Variants in ABCB11 observed in about 807,000 individuals in gnomAD.
ABCB11 encodes ATP binding cassette subfamily B member 11, also known as bile salt export pump.
In ABCB11, 95 loss-of-function variants were observed where a neutral mutation model predicts 148.0. That is an observed-to-expected ratio of 0.64 (90% CI 0.54 to 0.76). ABCB11 has a LOEUF of 0.76. ABCB11 is among the 30% of genes least tolerant of loss of function. The pLI, the probability that ABCB11 is intolerant of heterozygous loss-of-function variation, is 0.00. For synonymous variants in ABCB11, 591 were observed against 555.4 expected (o/e 1.06, Z -0.90); for missense variants, 1,523 against 1,617.8 (o/e 0.94, Z 1.01).
chr2:168,978,273 C>T (rs1313787483), intron 11 of ABCB11, among the ~76,000 whole-genome samples: 1 of 149,504 alleles, frequency 6.7e-6, no homozygotes, highest in Non-Finnish European at 1.5e-5. Context: ...AGCCTCCTGA[C>T]TAGCTGGGAC....
chr2:168,917,747 A>G (rs78829839), downstream of ABCB11, among the ~76,000 whole-genome samples: 6 of 152,316 alleles, frequency 3.9e-5, no homozygotes, highest in East Asian at 1.2e-3. Context: ...TGTTTTTATA[A>G]GACTAGAATT....
At chr2:168,924,558 G>A (rs991564284) in intron 27 of ABCB11, 99 bp downstream of exon 27, 45 of 1,231,260 alleles carry the variant, frequency 3.7e-5, no homozygotes, top group African/African-American at 1.9e-4. Flanking sequence ...TACTGTTAAC[G>A]AATCAGAAAA....
At chr2:169,029,944 G>A (rs1695815852) in intron 1 of ABCB11, among the ~76,000 whole-genome samples, 1 of 125,602 alleles carries the variant, frequency 8.0e-6, no homozygotes, top group Admixed American at 7.9e-5. Context: ...GTTTCACCGT[G>A]TTAGCCAGGA....
intron 19 of ABCB11, among the ~76,000 whole-genome samples, chr2:168,953,103 T>C (rs777256979): frequency 3.4e-4 from 51 of 151,698 alleles, no homozygotes; most frequent in Non-Finnish European, 6.9e-4. Context: ...AAAAAATTCA[T>C]TAAGACTTGT....
intron 17 of ABCB11, among the ~76,000 whole-genome samples, chr2:168,965,615 T>C (rs1016949540): frequency 1.3e-5 from 2 of 151,788 alleles, no homozygotes; most frequent in Non-Finnish European, 2.9e-5. Flanking sequence ...TTGTAAACAG[T>C]CTTAATGGTT....
At chr2:169,009,522 G>C (rs1031724254) in intron 5 of ABCB11, among the ~76,000 whole-genome samples, 5 of 136,390 alleles carry the variant, frequency 3.7e-5, no homozygotes, top group Admixed American at 8.5e-5. Flanking sequence ...GGTGGGAATT[G>C]AACAATGAGA....
chr2:168,995,591 T>A, intron 6 of ABCB11, 109 bp from the exon 7 acceptor site: 1 of 1,216,476 alleles, frequency 8.2e-7, no homozygotes, highest in Non-Finnish European at 1.1e-6. Flanking sequence ...AGGGGGAAAG[T>A]AATTCAGAAA....
At chr2:168,962,464 G>C (rs983720105) in intron 18 of ABCB11, among the ~76,000 whole-genome samples, 3 of 151,498 alleles carry the variant, frequency 2.0e-5, no homozygotes, top group African/African-American at 7.3e-5. Flanking sequence ...CTGATCTCCA[G>C]ATGTCCAGGG....
chr2:168,924,719 G>A lies in ABCB11; in HGVS notation c.3703C>T (p.Arg1235Ter), dbSNP rs866839234. ...QRIAIARAIV[R>*]DPKILLLDEA... ...TCTAGTAGCAAGATTTTAGGATCTC[G>A]TACAATGGCCCGAGCAATAGCAATG... is the stretch of plus-strand genomic sequence containing the variant. Residue 1235 changes from arginine to a stop codon, truncating the protein, a stop_gained, in exon 27 of 28, where the codon CGA (arginine) becomes TGA (stop). Coordinates refer to ENST00000650372, the MANE Select transcript of ABCB11 (RefSeq NM_003742.4). LOFTEE classifies it high-confidence loss of function. The A allele has an allele frequency of 5.0e-6, 8 of 1,613,576 alleles. No homozygotes were observed. Among genetic ancestry groups the A allele is most frequent in the Middle Eastern group, 1.6e-4 (1 of 6,084 alleles).
At position 168,995,463 on chromosome 2, in the gene ABCB11, G is replaced by A. The variant is rs769380577; in HGVS notation, c.497C>T (p.Ala166Val). The A allele has an allele frequency of 1.2e-6, 2 of 1,611,476 alleles. No individual in the cohort carries two copies. The highest frequency in any genetic ancestry group is 1.7e-6 in the Non-Finnish European group (2 of 1,178,564). Residue 166 changes from alanine to valine, a missense_variant, in exon 7 of 28, where the codon GCC becomes GTC. Transcript: ENST00000650372. ...GYIQICFWVI[A>V]AARQIQKMRK... ...CATTTTCTGTATCTGACGAGCTGCG[G>A]CAATGACCCAAAAGCATATCTGGAA...
intron 11 of ABCB11, among the ~76,000 whole-genome samples, chr2:168,979,266 T>G (rs961889189): frequency 2.6e-5 from 4 of 152,008 alleles, no homozygotes; most frequent in African/African-American, 9.7e-5. Context: ...CTTCCATGAA[T>G]GCCCTCCCTG....
intron 4 of ABCB11, 75 bp downstream of exon 4, chr2:169,014,228 A>C: frequency 6.4e-6 from 9 of 1,403,058 alleles, no homozygotes; most frequent in Non-Finnish European, 9.1e-6. Flanking sequence ...ATGACTAAAG[A>C]TTTAACACTC....
chr2:168,959,114 G>A (rs1389201177), intron 18 of ABCB11, among the ~76,000 whole-genome samples: 1 of 151,654 alleles, frequency 6.6e-6, no homozygotes, highest in Non-Finnish European at 1.5e-5. Context: ...TTTTCCCTTT[G>A]CTTACAAAGT....
intron 11 of ABCB11, among the ~76,000 whole-genome samples, 168 bp from the exon 12 acceptor site, chr2:168,976,855 C>T (rs1048680121): frequency 6.6e-6 from 1 of 150,572 alleles, no homozygotes; most frequent in Non-Finnish European, 1.5e-5. Flanking sequence ...ATTTATTGTG[C>T]CTCTTAGTTT....
In ABCB11 at chr2:169,000,558, C is replaced by T. The variant is rs191253249; in HGVS notation, c.390-3836G>A. On this transcript the variant is annotated intron_variant, in intron 5 of 27. Transcript: ENST00000650372. ...TCTTTCCCCCACTGAATTGTTTTTC[C>T]ACTTTTGTCAAAAATCAATTGGACA... Among the ~76,000 whole-genome samples the T allele has an allele frequency of 4.8e-3, 728 of 152,110 alleles. 7 individuals are homozygous for T. Among genetic ancestry groups the T allele is most frequent in the Middle Eastern group, 0.01 (3 of 294 alleles).
chr2:168,926,699 A>G (rs566879), intron 26 of ABCB11, among the ~76,000 whole-genome samples: 111,522 of 152,084 alleles, frequency 0.73, 41,634 homozygotes, highest in East Asian at 0.97. Context: ...AATAAATTGC[A>G]TATCCTTTGA....
Position 168,996,570 on chromosome 2 carries a change from G to A in ABCB11, c.477+65C>T, listed in dbSNP as rs1390914550. Reference sequence around the variant, plus strand: ...TTAGCTTAAAGAGTGGCAACACATTGCATCTCATTGTAGTGTCTTTGAGGT... The same window carrying A: ...TTAGCTTAAAGAGTGGCAACACATTACATCTCATTGTAGTGTCTTTGAGGT... On this transcript the variant is annotated intron_variant, in intron 6 of 27. Coordinates refer to ENST00000650372, the MANE Select transcript of ABCB11 (RefSeq NM_003742.4). The A allele has an allele frequency of 1.3e-5, 12 of 929,354 alleles. No individual in the cohort carries two copies. In the South Asian group the frequency reaches 2.6e-4, roughly 20 times the overall value. 57.6% of individuals were successfully genotyped at this position (929,354 alleles called of 1,614,324 possible). A position where few individuals can be genotyped will look rare whatever the true frequency, so the allele number is the denominator to read the frequency against.
At chr2:168,930,174 T>G (rs1691503582) in intron 25 of ABCB11, among the ~76,000 whole-genome samples, 1 of 152,234 alleles carries the variant, frequency 6.6e-6, no homozygotes, top group South Asian at 2.1e-4. Context: ...ATATCCTTGC[T>G]AAAGATTTAT....
intron 10 of ABCB11, 40 bp from the exon 11 acceptor site, chr2:168,980,019 A>G (rs1183539900): frequency 8.2e-7 from 1 of 1,217,120 alleles, no homozygotes; most frequent in African/African-American, 1.5e-5. Context: ...TGTTTTTGTT[A>G]ATGTGTAAAT....
Sources: allele counts gnomAD v4.1 joint callset (sites outside exome capture counted in the v4.1 genomes callset), GRCh38; gene constraint gnomAD v4.1.1; transcripts MANE v1.5; gene names NCBI Gene and HGNC (gene_info 2026-07-23, HGNC 2026-07-21).